FREM1: variants seen among roughly 807,000 people sequenced by gnomAD.
The protein encoded by FREM1 is FRAS1-related extracellular matrix protein 1.
A neutral mutation model predicts 210.1 loss-of-function variants in FREM1; 220 were observed. The ratio of observed to expected loss-of-function variants is 1.05; its 90% CI spans 0.94 to 1.17. FREM1 has a LOEUF of 1.17. Among genes scored for constraint, FREM1 ranks in the 50% most tolerant of loss-of-function variants. The probability of loss-of-function intolerance (pLI) is 0.00; values close to 1 mark genes in which losing one functional copy is unlikely to be tolerated. For missense variants in FREM1, 3,454 were observed against 2,675.5 expected, an observed-to-expected ratio of 1.29 and a Z score of -6.42; for synonymous variants, 1,189 against 980.2, an observed-to-expected ratio of 1.21 and a Z score of -3.98.
Position 14,863,871 on chromosome 9 carries a change from G to C in FREM1, c.267C>G (p.Val89=). Residue 89 remains valine (V), a synonymous_variant, in exon 3 of 37, where the codon GTC becomes GTG. Coordinates refer to ENST00000380880, the MANE Select transcript of FREM1 (RefSeq NM_001379081.2). ...VFDCHFLPNE[V]KYVHNGCPIL... is the part of the protein sequence containing the mutation. ...TTGGACAACCATTGTGAACATACTT[G>C]ACTTCGTTGGGAAGGAAATGGCAGT... 6.2e-7 allele frequency: 1 copy of C among 1,612,824 alleles called. No homozygotes were observed. The highest frequency in any genetic ancestry group is 8.5e-7 in the Non-Finnish European group (1 of 1,178,876).
chr9:14,899,089 G>A (rs1161813541), intron 1 of FREM1, among the ~76,000 whole-genome samples: 1 of 152,176 alleles, frequency 6.6e-6, no homozygotes, highest in East Asian at 1.9e-4. Context: ...GTAGTGGAGG[G>A]CCATCAGTAA....
rs1346187134 is a variant in FREM1, at chr9:14,748,591, C to T, written c.5606G>A (p.Trp1869Ter). The stretch of plus-strand genomic sequence containing the variant: ...CAGCAGATGCCAAATGCCCTTCTCC[C>T]ATGTGCTGTGCTTGCTTTGGTTGGA... The part of the protein sequence containing the change: ...YSSNQSKHST[W>*]EKGIWHLLPP... Residue 1869 changes from tryptophan to a stop codon, truncating the protein, a stop_gained, in exon 31 of 37, where the codon TGG (tryptophan) becomes TAG (stop). Transcript: ENST00000380880. LOFTEE classifies it high-confidence loss of function. The T allele has an allele frequency of 6.2e-7, 1 of 1,613,802 alleles. No individual in the cohort carries two copies. The highest frequency in any genetic ancestry group is 2.2e-5 in the East Asian group (1 of 44,860).
intron 10 of FREM1, among the ~76,000 whole-genome samples, chr9:14,828,940 A>C (rs10961737): frequency 6.6e-6 from 1 of 152,008 alleles, no homozygotes; most frequent in Non-Finnish European, 1.5e-5. Flanking sequence ...ATTTAACCTT[A>C]AACAAGTTAC....
intron 5 of FREM1, among the ~76,000 whole-genome samples, chr9:14,856,649 C>T (rs773753341): frequency 6.6e-6 from 1 of 151,834 alleles, no homozygotes; most frequent in South Asian, 2.1e-4. Context: ...CTGGCTAACA[C>T]GGTGAAACCC....
intron 29 of FREM1, among the ~76,000 whole-genome samples, chr9:14,752,873 A>AC (rs1261264825): frequency 1.3e-5 from 2 of 151,798 alleles, no homozygotes; most frequent in African/African-American, 2.4e-5. Context: ...AAACAAACAA[A>AC]AAACAAAAAA....
At chr9:14,789,276 CA>C (rs1245669170) in intron 22 of FREM1, among the ~76,000 whole-genome samples, 162 bp from the exon 23 acceptor site, 2 of 151,522 alleles carry the variant, frequency 1.3e-5, no homozygotes, top group African/African-American at 4.8e-5. Context: ...TTTTTCTTTT[CA>C]AAGAAATATA....
At chr9:14,755,770 C>G (rs990563971) in intron 29 of FREM1, among the ~76,000 whole-genome samples, 8 of 152,194 alleles carry the variant, frequency 5.3e-5, no homozygotes, top group Admixed American at 4.6e-4. Flanking sequence ...TCTTTTGGGT[C>G]CCAGTGCACT....
chr9:14,744,892 C>T (rs1391502904), intron 35 of FREM1, among the ~76,000 whole-genome samples: 1 of 152,138 alleles, frequency 6.6e-6, no homozygotes, highest in East Asian at 1.9e-4. Context: ...TGCTCTGCAT[C>T]TTTAGCAACA....
intron 23 of FREM1, among the ~76,000 whole-genome samples, chr9:14,788,131 T>A (rs1850702348): frequency 6.6e-6 from 1 of 152,184 alleles, no homozygotes; most frequent in African/African-American, 2.4e-5. Flanking sequence ...CAATCAAGCA[T>A]GTACTGAGGA....
intron 25 of FREM1, 142 bp from the exon 26 acceptor site, chr9:14,770,948 C>T (rs1847460818): frequency 3.2e-6 from 2 of 628,322 alleles, no homozygotes; most frequent in South Asian, 4.0e-5. Flanking sequence ...CTGCTAAAGA[C>T]AGTCCTGTTC....
intron 1 of FREM1, among the ~76,000 whole-genome samples, chr9:14,873,857 G>T (rs1427336574): frequency 6.6e-6 from 1 of 151,946 alleles, no homozygotes; most frequent in African/African-American, 2.4e-5. Flanking sequence ...CAGAGATTCT[G>T]GTATGTTTTG....
intron 28 of FREM1, 66 bp downstream of exon 28, chr9:14,759,705 AT>A (rs1225669051): frequency 3.6e-6 from 5 of 1,379,950 alleles, no homozygotes; most frequent in Admixed American, 2.4e-5. Flanking sequence ...TCTAAAAAAA[AT>A]ATAATGAAAG....
Position 14,746,938 on chromosome 9 carries a change from CCAGG to C in FREM1, c.6119_6122del (p.Ala2040GlyfsTer27), listed in dbSNP as rs1842560333. 2.5e-6 allele frequency: 4 copies of C among 1,612,878 alleles called. No individual in the cohort carries two copies. The highest frequency in any genetic ancestry group is 3.3e-5 in the Admixed American group (2 of 59,884). ...TGCCTCCTACCTTGGTTTGGGGACTCCAGGCTTTCCAGGCGATCCCATTGCACTG... is the reference window on the plus strand; with the variant it reads ...TGCCTCCTACCTTGGTTTGGGGACTCCTTTCCAGGCGATCCCATTGCACTG... On this transcript the variant is annotated frameshift_variant, in exon 34 of 37. Transcript: ENST00000380880. LOFTEE classifies it high-confidence loss of function.
chr9:14,895,498 A>G (rs1047629756), intron 1 of FREM1, among the ~76,000 whole-genome samples: 1 of 152,158 alleles, frequency 6.6e-6, no homozygotes, highest in African/African-American at 2.4e-5. Context: ...CTGGATCAAT[A>G]TTCTAATTCT....
At chr9:14,858,641 A>G (rs1324734852) in intron 4 of FREM1, among the ~76,000 whole-genome samples, 1 of 152,094 alleles carries the variant, frequency 6.6e-6, no homozygotes, top group Admixed American at 6.6e-5. Context: ...TTGGCTTCTC[A>G]TAGTTTCTAG....
At position 14,824,080 on chromosome 9, in the gene FREM1, C is replaced by T. The variant is rs756118431; in HGVS notation, c.2114G>A (p.Ser705Asn). 2 of 1,589,878 alleles carry T rather than the reference C, an allele frequency of 1.3e-6. No individual in the cohort carries two copies. The highest frequency in any genetic ancestry group is 1.7e-6 in the Non-Finnish European group (2 of 1,166,760). The change falls in exon 12 of 37, where the codon AGC becomes AAC. Residue 705 changes from serine to asparagine, a missense_variant. Transcript: ENST00000380880. The part of the protein sequence containing the change: ...LDAGKLFMVD[S>N]IPKVVKNPTA... ...AGGATTCTTAACTACTTTTGGTATG[C>T]TGTCCACCATAAATAATTTCCCAGC...
In FREM1 at chr9:14,851,351, T is replaced by C; in HGVS notation, c.1085A>G (p.Asp362Gly). The C allele has an allele frequency of 1.9e-6, 3 of 1,612,924 alleles. No homozygotes were observed. The highest frequency in any genetic ancestry group is 2.5e-6 in the Non-Finnish European group (3 of 1,179,100). Reference protein sequence around the residue: ...TRPISSFTWKDLSDMQIAYQP... With the variant: ...TRPISSFTWKGLSDMQIAYQP... ...ATAGGCGATCTGCATGTCACTGAGA[T>C]CTTTCCAGGTGAATGAGGAGATTGG... Residue 362 changes from aspartate to glycine, a missense_variant, in exon 6 of 37, where the codon GAT (aspartate) becomes GGT (glycine). Physicochemically the swap from Asp to Gly is moderately conservative, Grantham distance 94. Coordinates refer to ENST00000380880, the MANE Select transcript of FREM1 (RefSeq NM_001379081.2).
At chr9:14,856,476 G>C (rs138303454) in intron 5 of FREM1, among the ~76,000 whole-genome samples, 1 of 152,156 alleles carries the variant, frequency 6.6e-6, no homozygotes, top group African/African-American at 2.4e-5. Flanking sequence ...TTCAATATTT[G>C]ACTGGGCCCC....
chr9:14,840,515 G>A (rs1309146715), intron 10 of FREM1, among the ~76,000 whole-genome samples: 3 of 152,148 alleles, frequency 2.0e-5, no homozygotes, highest in African/African-American at 7.2e-5. Context: ...AGCTTGTACA[G>A]GGGACCACCC....
Sources: allele counts gnomAD v4.1 joint callset (sites outside exome capture counted in the v4.1 genomes callset), GRCh38; gene constraint gnomAD v4.1.1; transcripts MANE v1.5; gene names NCBI Gene and HGNC (gene_info 2026-07-23, HGNC 2026-07-21).